Variants in NF1 observed in about 807,000 individuals in gnomAD.
NF1 encodes neurofibromin 1.
In NF1, 122 loss-of-function variants were observed where a neutral mutation model predicts 325.7. The ratio of observed to expected loss-of-function variants is 0.37; its 90% CI spans 0.32 to 0.44. NF1 has a LOEUF of 0.44. NF1 is among the 20% of genes least tolerant of loss of function. The pLI, the probability that NF1 is intolerant of heterozygous loss-of-function variation, is 1.00. For missense variants in NF1, 2,140 were observed against 3,415.4 expected, an observed-to-expected ratio of 0.63 and a Z score of 9.31; for synonymous variants, 1,091 against 1,186.0, an observed-to-expected ratio of 0.92 and a Z score of 1.65.
chr17:31,265,421 C>T, intron 36 of NF1, 82 bp downstream of exon 36: 1 of 993,952 alleles, frequency 1.0e-6, no homozygotes, highest in Non-Finnish European at 1.6e-6. Context: ...TTTGGTTTTT[C>T]CCAGTTGACT....
intron 29 of NF1, among the ~76,000 whole-genome samples, chr17:31,246,360 T>G (rs1180682712): frequency 6.6e-6 from 1 of 152,266 alleles, no homozygotes; most frequent in East Asian, 1.9e-4. Flanking sequence ...TGCTAATTTC[T>G]GAACTCTTAC....
At chr17:31,096,194 T>TG (rs2143159371) in intron 1 of NF1, among the ~76,000 whole-genome samples, 1 of 146,692 alleles carries the variant, frequency 6.8e-6, no homozygotes, top group East Asian at 2.2e-4. Flanking sequence ...GTGAGAATGT[T>TG]GGGGAGTAAA....
intron 57 of NF1, among the ~76,000 whole-genome samples, chr17:31,369,598 C>T (rs1478402057): frequency 1.3e-5 from 2 of 152,098 alleles, no homozygotes; most frequent in Non-Finnish European, 2.9e-5. Flanking sequence ...GTTTGTTGTC[C>T]ACCAAAGGCC....
intron 36 of NF1, chr17:31,318,914 G>A (rs550878364): frequency 3.7e-5 from 60 of 1,613,972 alleles, no homozygotes; most frequent in South Asian, 3.3e-4. Context: ...GCCCACAGAC[G>A]GGTATAGTTT....
intron 1 of NF1, among the ~76,000 whole-genome samples, chr17:31,127,781 T>G (rs1243297500): frequency 6.6e-6 from 1 of 152,088 alleles, no homozygotes; most frequent in African/African-American, 2.4e-5. Context: ...GGGTTATCTA[T>G]GTAGACAGTG....
rs876659607 is a variant in NF1 at position 31,260,442 on chromosome 17, G to A, written c.4504G>A (p.Gly1502Ser). The change falls in exon 34 of 58, where the codon GGC becomes AGC. Residue 1502 changes from glycine (G) to serine (S), a missense_variant. Coordinates refer to ENST00000358273, the MANE Select transcript of NF1 (RefSeq NM_001042492.3). ...VNHSLSFISD[G>S]NVLALHRLLW... is the part of the protein sequence containing the mutation. ...TCATAGTCTTTCCTTCATAAGTGAC[G>A]GCAATGTGCTTGCTTTACATCGTCT... is the stretch of plus-strand genomic sequence containing the variant. 6 of 1,613,818 alleles carry A rather than the reference G, an allele frequency of 3.7e-6. No individual in the cohort carries two copies. The highest frequency in any genetic ancestry group is 1.3e-5 in the African/African-American group (1 of 74,904).
chr17:31,254,728 G>T (rs574719837), intron 31 of NF1, among the ~76,000 whole-genome samples: 1 of 150,006 alleles, frequency 6.7e-6, no homozygotes, highest in South Asian at 2.1e-4. Flanking sequence ...TTCTTGAAAT[G>T]TTTTTTTTTC....
intron 39 of NF1, among the ~76,000 whole-genome samples, chr17:31,333,489 C>T (rs748269425): frequency 5.3e-5 from 8 of 151,980 alleles, no homozygotes; most frequent in African/African-American, 1.9e-4. Flanking sequence ...TTCTCAGTAC[C>T]CTCCCTTCAC....
At chr17:31,332,321 G>A (rs954833266) in intron 39 of NF1, among the ~76,000 whole-genome samples, 8 of 151,822 alleles carry the variant, frequency 5.3e-5, no homozygotes, top group Non-Finnish European at 8.8e-5. Context: ...AAAATTAGCC[G>A]GGCTCGGTGG....
intron 36 of NF1, among the ~76,000 whole-genome samples, chr17:31,322,531 A>AAAAAAAAAAAAAAAAC (rs2069235906): frequency 7.4e-6 from 1 of 135,232 alleles, no homozygotes; most frequent in South Asian, 2.4e-4. Context: ...AAAAAAAAAA[A>AAAAAAAAAAAAAAAAC]AAAAAGAACT....
chr17:31,105,816 G>A (rs1009567901), intron 1 of NF1, among the ~76,000 whole-genome samples: 1 of 152,112 alleles, frequency 6.6e-6, no homozygotes, highest in Non-Finnish European at 1.5e-5. Flanking sequence ...GCCCGGCTGA[G>A]AACTTAACTT....
At chr17:31,257,153 G>A (rs959572989) in intron 31 of NF1, among the ~76,000 whole-genome samples, 33 of 151,894 alleles carry the variant, frequency 2.2e-4, no homozygotes, top group African/African-American at 7.7e-4. Context: ...AATATTTATT[G>A]AAGCATTGTG....
At chr17:31,184,630 A>G (rs1240845749) in intron 8 of NF1, among the ~76,000 whole-genome samples, 1 of 148,984 alleles carries the variant, frequency 6.7e-6, no homozygotes, top group African/African-American at 2.4e-5. Flanking sequence ...AGCCTGGGCG[A>G]CAGCGAGACT....
At chr17:31,307,793 A>G in intron 36 of NF1, 2 of 855,682 alleles carry the variant, frequency 2.3e-6, no homozygotes, top group Admixed American at 4.9e-5. Flanking sequence ...ATTGGTATAC[A>G]TGATTAGAAA....
In NF1 at chr17:31,327,801, C is replaced by G. The variant is rs771837192; in HGVS notation, c.5571C>G (p.Ile1857Met). The G allele has an allele frequency of 6.2e-7, 1 of 1,614,118 alleles. No homozygotes were observed. The change falls in exon 38 of 58, where the codon ATC becomes ATG. Residue 1857 changes from isoleucine (I) to methionine (M), a missense_variant. Physicochemically the swap from Ile to Met is conservative, Grantham distance 10 (BLOSUM62 1). This residue lies in a region of NF1 where 180 missense variants were observed against 435.1 expected (regional missense o/e 0.41). Coordinates refer to ENST00000358273, the MANE Select transcript of NF1 (RefSeq NM_001042492.3). ...PKDVPGTLLN[I>M]ALLNLGSSDP... ...ATGTCCCTGGGACACTGCTCAATAT[C>G]GCATTACTTAATTTAGGCAGTTCTG...
At chr17:31,213,832 A>G (rs2066772612) in intron 12 of NF1, among the ~76,000 whole-genome samples, 1 of 152,168 alleles carries the variant, frequency 6.6e-6, no homozygotes, top group Admixed American at 6.5e-5. Context: ...TCGAAGGAAA[A>G]AGCAAATTTT....
intron 27 of NF1, among the ~76,000 whole-genome samples, chr17:31,233,970 T>C (rs959769760): frequency 1.3e-5 from 2 of 152,202 alleles, no homozygotes; most frequent in African/African-American, 2.4e-5. Flanking sequence ...CATCATCTTA[T>C]GCTATTTTCT....
chr17:31,177,233 A>G (rs1038266091), intron 5 of NF1, among the ~76,000 whole-genome samples: 2 of 152,136 alleles, frequency 1.3e-5, no homozygotes, highest in African/African-American at 4.8e-5. Flanking sequence ...ACACGCAGCA[A>G]TCTTTGTTGT....
intron 1 of NF1, among the ~76,000 whole-genome samples, chr17:31,139,375 GACACACACACACACACACAC>G (rs58863782): frequency 2.1e-5 from 3 of 144,082 alleles, no homozygotes; most frequent in African/African-American, 7.6e-5. Context: ...GTTTTACACA[GACACACACACACACACACAC>G]ACACACACAC....
Sources: gnomAD v4.1 joint callset for allele counts (sites outside exome capture counted in the v4.1 genomes callset) on GRCh38, gnomAD v4.1.1 for gene constraint, gnomAD v4.1.1 regional missense constraint, MANE v1.5 for transcripts, NCBI Gene and HGNC (gene_info 2026-07-23, HGNC 2026-07-21) for gene names.